EZH2: variants seen among roughly 807,000 people sequenced by gnomAD.
EZH2 encodes the protein enhancer of zeste 2 polycomb repressive complex 2 subunit, also known as histone-lysine N-methyltransferase EZH2.
EZH2 carries 18 observed loss-of-function variants against 98.4 expected under a neutral mutation model. The ratio of observed to expected loss-of-function variants is 0.18; its 90% CI spans 0.13 to 0.27. The LOEUF (loss-of-function observed/expected upper bound fraction) is 0.27, where lower values mean the gene tolerates loss of function less well. Ranked by LOEUF, EZH2 falls within the 10% of genes least tolerant of loss-of-function variation. The probability of loss-of-function intolerance (pLI) is 1.00; values close to 1 mark genes in which losing one functional copy is unlikely to be tolerated. For synonymous variants in EZH2, 338 were observed against 312.3 expected (o/e 1.08, Z -0.87); for missense variants, 470 against 935.1 (o/e 0.50, Z 6.49).
intron 1 of EZH2, among the ~76,000 whole-genome samples, chr7:148,877,176 T>C (rs1259419513): frequency 1.3e-5 from 2 of 152,186 alleles, no homozygotes; most frequent in Non-Finnish European, 2.9e-5. Flanking sequence ...CATATATGAA[T>C]ATATTTGAAA....
chr7:148,836,837 C>T, intron 3 of EZH2: 2 of 502,166 alleles, frequency 4.0e-6, no homozygotes, highest in Non-Finnish European at 7.9e-6. Context: ...CCAGCTGGTA[C>T]AATAGGCGAC....
chr7:148,877,757 T>C (rs961142091), intron 1 of EZH2, among the ~76,000 whole-genome samples: 36 of 152,212 alleles, frequency 2.4e-4, no homozygotes, highest in Non-Finnish European at 4.4e-4. Context: ...TTAGTCTGTC[T>C]AGGGTTTCAC....
At chr7:148,808,934 A>T in intron 19 of EZH2, 137 bp downstream of exon 19, 1 of 647,460 alleles carries the variant, frequency 1.5e-6, no homozygotes, top group Non-Finnish European at 2.7e-6. Flanking sequence ...AGGAAAGTGT[A>T]ACCTAATTCC....
At chr7:148,837,882 G>A (rs757091619) in intron 3 of EZH2, among the ~76,000 whole-genome samples, 4 of 152,210 alleles carry the variant, frequency 2.6e-5, no homozygotes, top group Non-Finnish European at 5.9e-5. Flanking sequence ...GTGTTGTTCA[G>A]TATTTGTTAC....
At chr7:148,870,724 T>C (rs1300195591) in intron 1 of EZH2, among the ~76,000 whole-genome samples, 1 of 150,152 alleles carries the variant, frequency 6.7e-6, no homozygotes, top group African/African-American at 2.5e-5. Flanking sequence ...ATAAAGTTCA[T>C]CTTATTACCA....
intron 8 of EZH2, among the ~76,000 whole-genome samples, chr7:148,823,225 A>G (rs1324899343): frequency 3.3e-5 from 5 of 152,208 alleles, no homozygotes; most frequent in African/African-American, 1.2e-4. Flanking sequence ...ATGGCAGGTC[A>G]TTTGGCAATA....
chr7:148,875,206 ATT>A (rs1161607936), intron 1 of EZH2, among the ~76,000 whole-genome samples: 1 of 152,238 alleles, frequency 6.6e-6, no homozygotes, highest in Non-Finnish European at 1.5e-5. Flanking sequence ...AATGCATAAC[ATT>A]TTGTTACACT....
intron 3 of EZH2, among the ~76,000 whole-genome samples, chr7:148,845,036 GAC>G (rs1813634436): frequency 6.6e-6 from 1 of 152,076 alleles, no homozygotes; most frequent in Non-Finnish European, 1.5e-5. Flanking sequence ...CTAGCACAGT[GAC>G]ACAATTCATT....
At chr7:148,842,036 T>C (rs913595146) in intron 3 of EZH2, among the ~76,000 whole-genome samples, 3 of 152,236 alleles carry the variant, frequency 2.0e-5, no homozygotes, top group Non-Finnish European at 4.4e-5. Flanking sequence ...CCCCTTCTGA[T>C]GCTGCTTCTA....
At chr7:148,862,835 C>T (rs1490436996) in intron 1 of EZH2, among the ~76,000 whole-genome samples, 2 of 152,122 alleles carry the variant, frequency 1.3e-5, no homozygotes, top group Non-Finnish European at 2.9e-5. Context: ...ACTGCAAGTG[C>T]TAAGGTGCCA....
chr7:148,813,723 A>G (rs1803810327), intron 15 of EZH2, among the ~76,000 whole-genome samples: 1 of 152,068 alleles, frequency 6.6e-6, no homozygotes, highest in African/African-American at 2.4e-5. Flanking sequence ...ATGAATGGCT[A>G]CTTCTCAGAA....
intron 15 of EZH2, 109 bp from the exon 16 acceptor site, chr7:148,811,829 C>A: frequency 1.1e-6 from 1 of 912,450 alleles, no homozygotes; most frequent in South Asian, 1.5e-5. Context: ...ATCCTCAGAC[C>A]TGTTTGTTCT....
intron 3 of EZH2, among the ~76,000 whole-genome samples, chr7:148,840,495 G>C (rs1263401160): frequency 6.6e-6 from 1 of 151,980 alleles, no homozygotes; most frequent in Non-Finnish European, 1.5e-5. Flanking sequence ...CAGAGCAGTT[G>C]GACTACAGGG....
In EZH2 at chr7:148,837,425, G is replaced by A. The variant is rs76400227; in HGVS notation, c.247-4675C>T. Among the ~76,000 whole-genome samples the A allele has an allele frequency of 9.4e-3, 1,428 of 152,290 alleles. 20 individuals carry two copies. Among genetic ancestry groups the A allele is most frequent in the African/African-American group, 0.033 (1,351 of 41,560 alleles). ...AGCATCAGCTGTCACCAAGTCTAGA[G>A]AAAAGCTGGGGGTGATTTCTGAAAC... On this transcript the variant is annotated intron_variant, in intron 3 of 19. Transcript: ENST00000320356.
intron 19 of EZH2, 108 bp from the exon 20 acceptor site, chr7:148,807,814 T>TAAAAAAA: frequency 2.5e-6 from 1 of 399,452 alleles, no homozygotes; most frequent in Non-Finnish European, 4.4e-6. Context: ...AAAATGTCTT[T>TAAAAAAA]AAAAAAAAAA....
intron 1 of EZH2, among the ~76,000 whole-genome samples, chr7:148,880,793 C>T (rs1442139957): frequency 6.6e-6 from 1 of 152,158 alleles, no homozygotes; most frequent in Non-Finnish European, 1.5e-5. Context: ...TTTAAAACCC[C>T]TATTCTCTAG....
chr7:148,836,999 G>A, intron 3 of EZH2: 1 of 495,878 alleles, frequency 2.0e-6, no homozygotes, highest in South Asian at 1.5e-5. Context: ...CAGGTGAATG[G>A]CCTGCAGGGA....
chr7:148,839,667 C>A (rs1413965978), intron 3 of EZH2, among the ~76,000 whole-genome samples: 1 of 151,994 alleles, frequency 6.6e-6, no homozygotes, highest in Non-Finnish European at 1.5e-5. Flanking sequence ...GCCTCAGCCT[C>A]CCAAGTAGCT....
rs1821497725 is a variant in EZH2, at chr7:148,884,272, G to C, written c.-116C>G. On this transcript the variant is annotated 5_prime_UTR_variant, in exon 1 of 20. Coordinates refer to ENST00000320356, the MANE Select transcript of EZH2 (RefSeq NM_004456.5). ...CTGAGTCCCACCGGGTGTCGGACGC[G>C]ACCGGACCGAGCGCCAAACGCGGCA... The C allele has an allele frequency of 5.5e-6, 1 of 183,450 alleles. No individual in the cohort carries two copies. The highest frequency in any genetic ancestry group is 9.1e-5 in the East Asian group (1 of 11,022). The allele number at this position is 183,450 out of a possible 1,614,324, so 11.4% of individuals were successfully genotyped here. A position where few individuals can be genotyped will look rare whatever the true frequency, so the allele number is the denominator to read the frequency against.
Sources: gnomAD v4.1 joint callset for allele counts (sites outside exome capture counted in the v4.1 genomes callset) on GRCh38, gnomAD v4.1.1 for gene constraint, MANE v1.5 for transcripts, NCBI Gene and HGNC (gene_info 2026-07-23, HGNC 2026-07-21) for gene names.